Variants in CLIC5 observed in about 807,000 individuals in gnomAD.
CLIC5 encodes the protein CLIC family member 5, also known as chloride intracellular channel protein 5.
In CLIC5, 20 loss-of-function variants were observed where a neutral mutation model predicts 24.7. That is an observed-to-expected ratio of 0.81 (90% confidence interval 0.57 to 1.18). The LOEUF (loss-of-function observed/expected upper bound fraction) is 1.18. CLIC5 is among the 50% of genes most tolerant of loss of function. The pLI is 0.00. For synonymous variants in CLIC5, 159 were observed against 135.6 expected (o/e 1.17, Z -1.20); for missense variants, 341 against 326.1 (o/e 1.05, Z -0.35).
At chr6:46,095,016 A>T in the CLIC5 span, among the ~76,000 whole-genome samples, 1 of 152,234 alleles carries the variant, frequency 6.6e-6, no homozygotes, top group Non-Finnish European at 1.5e-5. Context: ...CACCACGTGG[A>T]TGCCACCAGT....
intron 1 of CLIC5, among the ~76,000 whole-genome samples, chr6:46,051,059 G>C (rs1487361916): frequency 2.0e-5 from 3 of 152,150 alleles, no homozygotes; most frequent in African/African-American, 7.2e-5. Flanking sequence ...GTCTGCCTTA[G>C]TCATCAACAG....
chr6:46,075,928 C>A (rs776452109), intron 1 of CLIC5, among the ~76,000 whole-genome samples: 3 of 152,156 alleles, frequency 2.0e-5, no homozygotes, highest in East Asian at 3.8e-4. Flanking sequence ...ACATCAAATT[C>A]TTCAGCAAAA....
chr6:45,956,844 T>C (rs552800724), intron 1 of CLIC5, among the ~76,000 whole-genome samples: 22 of 152,244 alleles, frequency 1.4e-4, no homozygotes, highest in African/African-American at 4.6e-4. Context: ...CTCCGTTATA[T>C]AAAATGGGAA....
intron 1 of CLIC5, among the ~76,000 whole-genome samples, chr6:46,075,590 A>AAAAACG (rs1442391350): frequency 2.0e-5 from 3 of 152,148 alleles, no homozygotes; most frequent in Non-Finnish European, 4.4e-5. Context: ...GTCTCAAGAC[A>AAAAACG]AAAACGAAAA....
chr6:46,066,026 G>A (rs1562033255), intron 1 of CLIC5, among the ~76,000 whole-genome samples: 1 of 152,194 alleles, frequency 6.6e-6, no homozygotes, highest in Non-Finnish European at 1.5e-5. Flanking sequence ...ATACGAACTT[G>A]TACACATATT....
At chr6:45,891,256 A>G (rs1285051749) in intron 6 of CLIC5, among the ~76,000 whole-genome samples, 1 of 152,200 alleles carries the variant, frequency 6.6e-6, no homozygotes, top group Non-Finnish European at 1.5e-5. Flanking sequence ...CAAAAAGAAC[A>G]TACAAAACAC....
At chr6:45,978,948 T>TA (rs10542352) in intron 1 of CLIC5, among the ~76,000 whole-genome samples, 7,308 of 144,904 alleles carry the variant, frequency 0.05, 236 homozygotes, top group Middle Eastern at 0.1. Context: ...AAAACTCCAT[T>TA]AAAAAAAAAA....
intron 4 of CLIC5, among the ~76,000 whole-genome samples, chr6:45,925,133 A>G (rs571377343): frequency 2.0e-5 from 3 of 152,316 alleles, no homozygotes; most frequent in South Asian, 4.2e-4. Context: ...TCCTCTTAAG[A>G]AGTAAACATT....
At chr6:45,945,699 C>T (rs573460991) in intron 3 of CLIC5, among the ~76,000 whole-genome samples, 1 of 152,330 alleles carries the variant, frequency 6.6e-6, no homozygotes, top group Admixed American at 6.5e-5. Flanking sequence ...TGACTCCAAA[C>T]CTCCTGCCCC....
intron 4 of CLIC5, among the ~76,000 whole-genome samples, chr6:45,939,187 C>T (rs1764041653): frequency 1.3e-5 from 2 of 151,374 alleles, no homozygotes; most frequent in South Asian, 4.2e-4. Flanking sequence ...GGCCTTCTCT[C>T]CTCTACATGT....
intron 1 of CLIC5, among the ~76,000 whole-genome samples, chr6:46,072,885 A>G (rs1367291896): frequency 1.3e-5 from 2 of 152,198 alleles, no homozygotes; most frequent in African/African-American, 4.8e-5. Flanking sequence ...ATCTGGCACA[A>G]ATATTTTTGC....
At chr6:46,031,636 C>T (rs1237037630) in intron 1 of CLIC5, among the ~76,000 whole-genome samples, 3 of 151,646 alleles carry the variant, frequency 2.0e-5, no homozygotes, top group African/African-American at 7.3e-5. Flanking sequence ...TCAAGAGGTC[C>T]ACTGATAGGA....
intron 5 of CLIC5, chr6:45,911,765 A>G: frequency 2.0e-6 from 2 of 985,416 alleles, no homozygotes; most frequent in Non-Finnish European, 2.4e-6. Flanking sequence ...GAACATCGTC[A>G]CTATGCTAGG....
At chr6:46,105,602 G>A in the CLIC5 span, among the ~76,000 whole-genome samples, 1 of 152,100 alleles carries the variant, frequency 6.6e-6, no homozygotes, top group South Asian at 2.1e-4. Flanking sequence ...AGTGACTCAG[G>A]CCCCTTAAGA....
chr6:45,943,271 G>A (rs1260863088), intron 3 of CLIC5, among the ~76,000 whole-genome samples: 11 of 152,178 alleles, frequency 7.2e-5, no homozygotes, highest in Admixed American at 7.2e-4. Flanking sequence ...CATAAACTCC[G>A]CTGTTGATTC....
At chr6:46,069,442 A>G (rs1216623594) in intron 1 of CLIC5, among the ~76,000 whole-genome samples, 1 of 152,160 alleles carries the variant, frequency 6.6e-6, no homozygotes, top group Non-Finnish European at 1.5e-5. Flanking sequence ...CCCTATGCAC[A>G]CAAATGAGAA....
In CLIC5 at chr6:45,903,251, A is replaced by T; in HGVS notation, c.593T>A (p.Val198Glu). Reference sequence around the variant, plus strand: ...ATCATAGTTGCGGTATTTCTTGGCCACAATCTAAAACAGAGATGGCAGGAC... The same window carrying T: ...ATCATAGTTGCGGTATTTCTTGGCCTCAATCTAAAACAGAGATGGCAGGAC... The part of the protein sequence containing the change: ...LLPKLHVVKI[V>E]AKKYRNYDIP... Residue 198 changes from valine to glutamate, a missense_variant, in exon 6 of 6, where the codon GTG becomes GAG. Coordinates refer to ENST00000339561, the MANE Select transcript of CLIC5 (RefSeq NM_016929.5). 6.4e-7 allele frequency: 1 copy of T among 1,569,424 alleles called. No individual in the cohort carries two copies. Among genetic ancestry groups the T allele is most frequent in the East Asian group, 2.3e-5 (1 of 43,476 alleles).
the CLIC5 span, among the ~76,000 whole-genome samples, chr6:46,101,383 A>T: frequency 2.0e-5 from 3 of 152,370 alleles, no homozygotes; most frequent in African/African-American, 7.2e-5. Context: ...ATTACAATAA[A>T]TTTAAAGACC....
At chr6:46,001,651 A>G (rs1422018052) in intron 1 of CLIC5, among the ~76,000 whole-genome samples, 2 of 152,206 alleles carry the variant, frequency 1.3e-5, no homozygotes, top group Admixed American at 1.3e-4. Flanking sequence ...CAGCTGCCAC[A>G]TGGAAAAGTG....
Sources: allele counts gnomAD v4.1 joint callset (sites outside exome capture counted in the v4.1 genomes callset), GRCh38; gene constraint gnomAD v4.1.1; transcripts MANE v1.5; gene names NCBI Gene and HGNC (gene_info 2026-07-23, HGNC 2026-07-21).